Variants in ACCSL observed in about 807,000 individuals in gnomAD.
ACCSL encodes the protein 1-aminocyclopropane-1-carboxylate synthase homolog (inactive) like.
A neutral mutation model predicts 61.7 loss-of-function variants in ACCSL; 55 were observed. That is an observed-to-expected ratio of 0.89 (90% CI 0.72 to 1.12). The LOEUF is 1.12. ACCSL is among the 50% of genes most tolerant of loss of function. The pLI, the probability that ACCSL is intolerant of heterozygous loss-of-function variation, is 0.00. For missense variants in ACCSL, 632 were observed against 698.0 expected, an observed-to-expected ratio of 0.91 and a Z score of 1.07; for synonymous variants, 258 against 264.3, an observed-to-expected ratio of 0.98 and a Z score of 0.23.
the ACCSL span, among the ~76,000 whole-genome samples, chr11:44,037,702 T>C: frequency 3.9e-5 from 6 of 152,350 alleles, no homozygotes; most frequent in South Asian, 1.2e-3. Flanking sequence ...CTGATTGATT[T>C]CTTCATTCTT....
the ACCSL span, among the ~76,000 whole-genome samples, chr11:43,978,312 T>C: frequency 2.0e-5 from 3 of 152,096 alleles, no homozygotes; most frequent in Non-Finnish European, 2.9e-5. Flanking sequence ...GCCTGGCCTC[T>C]AGGAAGCTCT....
chr11:44,054,157 A>G (rs780708672), intron 8 of ACCSL, among the ~76,000 whole-genome samples: 1 of 152,304 alleles, frequency 6.6e-6, no homozygotes. Flanking sequence ...GTGCCGAGGA[A>G]GACACTTTCA....
At chr11:44,047,834 C>A, upstream of ACCSL, 1 of 619,850 alleles carries the variant, frequency 1.6e-6, no homozygotes. Context: ...TACTCATTGC[C>A]CTAAAGAGTA....
chr11:43,944,552 C>G, the ACCSL span: 3 of 152,658 alleles, frequency 2.0e-5, no homozygotes, highest in African/African-American at 4.8e-5. Context: ...TGAAGGGCAC[C>G]TGGGTACCAT....
the ACCSL span, among the ~76,000 whole-genome samples, chr11:43,946,133 C>G: frequency 1.3e-5 from 2 of 152,174 alleles, no homozygotes. Context: ...GTCACCCAGG[C>G]TGGAGTGCAG....
At chr11:43,949,720 C>G in the ACCSL span, among the ~76,000 whole-genome samples, 4 of 152,308 alleles carry the variant, frequency 2.6e-5, no homozygotes, top group Admixed American at 6.5e-5. Flanking sequence ...GAGGCTGAGA[C>G]AGGAGAGTTG....
chr11:44,058,922 T>C (rs1420829214), intron 13 of ACCSL, among the ~76,000 whole-genome samples: 1 of 152,098 alleles, frequency 6.6e-6, no homozygotes, highest in Non-Finnish European at 1.5e-5. Context: ...TGCCATTGAG[T>C]GAGGCATTGG....
chr11:43,956,178 T>TA, the ACCSL span, among the ~76,000 whole-genome samples: 1 of 151,798 alleles, frequency 6.6e-6, no homozygotes, highest in South Asian at 2.1e-4. Context: ...GCGTTTGCCT[T>TA]ATTTGAACAC....
At chr11:43,983,244 A>C in the ACCSL span, among the ~76,000 whole-genome samples, 1 of 152,222 alleles carries the variant, frequency 6.6e-6, no homozygotes, top group Non-Finnish European at 1.5e-5. Flanking sequence ...AGGGTTTTAG[A>C]ATAAAGGTGC....
the ACCSL span, among the ~76,000 whole-genome samples, chr11:43,937,148 G>A: frequency 6.6e-6 from 1 of 152,130 alleles, no homozygotes. Flanking sequence ...GGCCTGTCAG[G>A]AGCCGTGGAA....
the ACCSL span, among the ~76,000 whole-genome samples, chr11:44,012,686 G>A: frequency 1.8e-4 from 27 of 152,168 alleles, no homozygotes; most frequent in Non-Finnish European, 3.4e-4. Context: ...TCTATCTCAT[G>A]GATATACTTG....
the ACCSL span, among the ~76,000 whole-genome samples, chr11:44,026,657 T>C: frequency 4.6e-5 from 7 of 152,222 alleles, 1 homozygote; most frequent in Non-Finnish European, 1.0e-4. Context: ...ATGTGGCAAC[T>C]CTGAAAATCA....
chr11:43,954,179 G>C, the ACCSL span, among the ~76,000 whole-genome samples: 5 of 152,178 alleles, frequency 3.3e-5, no homozygotes, highest in African/African-American at 1.2e-4. Context: ...GACTTCCTTG[G>C]AGATGAGCAA....
the ACCSL span, chr11:43,945,246 A>G: frequency 6.6e-6 from 1 of 152,268 alleles, no homozygotes; most frequent in Admixed American, 6.5e-5. Context: ...ATGTGAGGCC[A>G]CTGTGGGTCG....
the ACCSL span, among the ~76,000 whole-genome samples, chr11:43,941,171 C>A: frequency 6.6e-6 from 1 of 152,174 alleles, no homozygotes; most frequent in African/African-American, 2.4e-5. Context: ...GCTTAAATAT[C>A]CAGGCTCTGA....
At chr11:43,980,413 TC>T in the ACCSL span, among the ~76,000 whole-genome samples, 5 of 152,370 alleles carry the variant, frequency 3.3e-5, no homozygotes, top group East Asian at 9.6e-4. Flanking sequence ...TTTGCTGCAC[TC>T]TTATCACAGG....
chr11:43,923,496 G>A, the ACCSL span, among the ~76,000 whole-genome samples: 6 of 152,230 alleles, frequency 3.9e-5, no homozygotes, highest in South Asian at 4.1e-4. Flanking sequence ...GTCTACAACT[G>A]CCCTCTTTCC....
chr11:43,943,548 T>A, the ACCSL span: 8 of 1,319,300 alleles, frequency 6.1e-6, no homozygotes, highest in Non-Finnish European at 8.0e-6. This position sits in a 1 kb window ranked among gnomAD's most constrained non-coding sequence, Gnocchi z 4.8. Context: ...GCTGTGAGTG[T>A]GTGCGGGGAG....
At chr11:44,014,123 A>G in the ACCSL span, among the ~76,000 whole-genome samples, 2 of 152,232 alleles carry the variant, frequency 1.3e-5, no homozygotes, top group Non-Finnish European at 2.9e-5. Flanking sequence ...TGCCAGTTAT[A>G]TACCGCTGTG....
Sources: gnomAD v4.1 joint callset for allele counts (sites outside exome capture counted in the v4.1 genomes callset) on GRCh38, gnomAD v4.1.1 for gene constraint, Gnocchi (gnomAD v3.1) non-coding constraint, MANE v1.5 for transcripts, NCBI Gene and HGNC (gene_info 2026-07-23, HGNC 2026-07-21) for gene names.